The following PLET1 variants were observed in gnomAD, a reference collection of about 807,000 sequenced individuals.
PLET1 encodes the protein placenta-expressed transcript 1 protein.
PLET1 carries 20 observed loss-of-function variants against 18.5 expected under a neutral mutation model. That is an observed-to-expected ratio of 1.08 (90% CI 0.76 to 1.57). The LOEUF (loss-of-function observed/expected upper bound fraction) is 1.57, where lower values mean the gene tolerates loss of function less well. Ranked by LOEUF, PLET1 falls within the 40% of genes most tolerant of loss-of-function variation. The pLI, the probability that PLET1 is intolerant of heterozygous loss-of-function variation, is 0.00. For missense variants in PLET1, 256 were observed against 246.4 expected, an observed-to-expected ratio of 1.04 and a Z score of -0.26; for synonymous variants, 93 against 93.8, an observed-to-expected ratio of 0.99 and a Z score of 0.05.
chr11:112,251,880 T>A (rs1860159841), intron 3 of PLET1, among the ~76,000 whole-genome samples: 1 of 152,228 alleles, frequency 6.6e-6, no homozygotes, highest in Non-Finnish European at 1.5e-5. Flanking sequence ...CTGTAAGAAC[T>A]AAAGACATTG....
At chr11:112,253,821 A>G (rs1302965913) in intron 2 of PLET1, among the ~76,000 whole-genome samples, 1 of 152,216 alleles carries the variant, frequency 6.6e-6, no homozygotes, top group East Asian at 1.9e-4. Context: ...CAGCTTCCAT[A>G]GAGACATGGC....
intron 2 of PLET1, 66 bp downstream of exon 2, chr11:112,255,322 G>A: frequency 6.9e-7 from 1 of 1,456,944 alleles, no homozygotes. Context: ...TCCTAGCTTA[G>A]TGTAAAACTG....
chr11:112,249,849 CAG>C (rs1313870479), intron 3 of PLET1, among the ~76,000 whole-genome samples: 2 of 151,100 alleles, frequency 1.3e-5, no homozygotes, highest in Non-Finnish European at 2.9e-5. Context: ...CCCAGCTACT[CAG>C]GGGGCTGAGG....
rs1262055350 is a variant in PLET1 at position 112,252,421 on chromosome 11, A to G, written c.387-12T>C. 6.5e-7 allele frequency: 1 copy of G among 1,549,750 alleles called. No individual in the cohort carries two copies. The highest frequency in any genetic ancestry group is 1.4e-5 in the African/African-American group (1 of 72,994). On this transcript the variant is annotated splice_polypyrimidine_tract_variant and intron_variant, in intron 2 of 3. Transcript: ENST00000338832. Reference sequence around the variant, plus strand: ...GGACAGTGAAAGCTCTGTGGAGGGCAAATCAATGAGAGATAATGCTGAGGA... The same window carrying G: ...GGACAGTGAAAGCTCTGTGGAGGGCGAATCAATGAGAGATAATGCTGAGGA...
In PLET1 at chr11:112,248,708, C is replaced by G; in HGVS notation, c.*91G>C. ...TGCACATTTGAGAATGTAAAGCCTT[C>G]ATTTACACACATTCGGTTCCCAGCA... On this transcript the variant is annotated 3_prime_UTR_variant, in exon 4 of 4. Transcript: ENST00000338832. 7.2e-7 allele frequency: 1 copy of G among 1,384,696 alleles called. No homozygotes were observed. Among genetic ancestry groups the G allele is most frequent in the Non-Finnish European group, 9.8e-7 (1 of 1,021,162 alleles). The allele number at this position is 1,384,696 out of a possible 1,614,324, so 85.8% of individuals were successfully genotyped here.
intron 1 of PLET1, among the ~76,000 whole-genome samples, chr11:112,259,209 A>G (rs1225223153): frequency 5.3e-5 from 8 of 152,234 alleles, no homozygotes; most frequent in Non-Finnish European, 1.0e-4. Context: ...TCTCACTACT[A>G]TAAGGAAGAG....
rs1311531931 is a variant in PLET1 at position 112,248,934 on chromosome 11, T to TGA, written c.487_488dup (p.Ala164GlnfsTer8). On this transcript the variant is annotated frameshift_variant, in exon 4 of 4. Coordinates refer to ENST00000338832, the MANE Select transcript of PLET1 (RefSeq NM_001145024.1). LOFTEE classifies it low-confidence loss of function (END_TRUNC). Reference sequence around the variant, plus strand: ...TAATCATGAAGAAAGGCTTGAAGGCTGAGCTCTGGGGAATCTTGGCAGCTA... The same window carrying TGA: ...TAATCATGAAGAAAGGCTTGAAGGCTGAGAGCTCTGGGGAATCTTGGCAGCTA... 3.6e-5 allele frequency: 56 copies of TGA among 1,551,090 alleles called. No individual in the cohort carries two copies. Among genetic ancestry groups the TGA allele is most frequent in the Non-Finnish European group, 4.7e-5 (54 of 1,146,984 alleles).
At chr11:112,260,145 G>T (rs1860271781) in intron 1 of PLET1, 2 of 408,968 alleles carry the variant, frequency 4.9e-6, no homozygotes, top group Admixed American at 8.1e-5. Flanking sequence ...TCTACCCCAA[G>T]TGTGCTCTTG....
At chr11:112,257,036 C>G (rs1860231333) in intron 1 of PLET1, among the ~76,000 whole-genome samples, 1 of 152,254 alleles carries the variant, frequency 6.6e-6, no homozygotes, top group African/African-American at 2.4e-5. Flanking sequence ...TCCATCAGAA[C>G]ACACTCCTGT....
chr11:112,254,344 TGTGTGTGGTATTTGTATG>T lies in PLET1; in HGVS notation c.386+1026_386+1043del, dbSNP rs1299886641. Among the ~76,000 whole-genome samples, 3 of 148,262 alleles carry T rather than the reference TGTGTGTGGTATTTGTATG, an allele frequency of 2.0e-5. No homozygotes were observed. In the Admixed American group the frequency reaches 2.0e-4, roughly 10 times the overall value. On this transcript the variant is annotated intron_variant, in intron 2 of 3. Coordinates refer to ENST00000338832, the MANE Select transcript of PLET1 (RefSeq NM_001145024.1). ...TGGTGTGTGGGGGTGGTGTGTGGTGTGTGTGTGGTATTTGTATGGTGTGTGTGGTGTATGTGTGGGGTG... is the reference window on the plus strand; with the variant it reads ...TGGTGTGTGGGGGTGGTGTGTGGTGTGTGTGTGTGGTGTATGTGTGGGGTG...
In PLET1 at chr11:112,260,403, C is replaced by T; in HGVS notation, c.184+3G>A. 1 of 1,550,390 alleles carries T rather than the reference C, an allele frequency of 6.4e-7. No homozygotes were observed. The highest frequency in any genetic ancestry group is 8.7e-7 in the Non-Finnish European group (1 of 1,146,066). ...GACAGCAGAGAGCATGGCTTCTACT[C>T]ACCAGAATAGACTGCATTGCTTTCG... is the stretch of plus-strand genomic sequence containing the variant. On this transcript the variant is annotated splice_donor_region_variant and intron_variant, in intron 1 of 3. Coordinates refer to ENST00000338832, the MANE Select transcript of PLET1 (RefSeq NM_001145024.1).
chr11:112,257,095 T>C (rs1026860800), intron 1 of PLET1, among the ~76,000 whole-genome samples: 2 of 152,234 alleles, frequency 1.3e-5, no homozygotes, highest in Non-Finnish European at 2.9e-5. Flanking sequence ...ACATTTCTGC[T>C]TTTATATTTT....
intron 1 of PLET1, among the ~76,000 whole-genome samples, chr11:112,256,037 C>T (rs1488529024): frequency 6.6e-6 from 1 of 152,098 alleles, no homozygotes; most frequent in Non-Finnish European, 1.5e-5. Flanking sequence ...GGCTGATGCA[C>T]GTGGAAAGGT....
In PLET1 at chr11:112,260,546, A is replaced by G; in HGVS notation, c.44T>C (p.Phe15Ser). Reference sequence around the variant, plus strand: ...AGAAAGCTGCAGACTGAGGCACAGAAACATCCCCAGTGGCTGCAGCAGCAT... The same window carrying G: ...AGAAAGCTGCAGACTGAGGCACAGAGACATCCCCAGTGGCTGCAGCAGCAT... ...HDMLLQPLGMFLCLSLQLSSA... is the reference protein window; with the variant it reads ...HDMLLQPLGMSLCLSLQLSSA... The change falls in exon 1 of 4, where the codon TTT (phenylalanine) becomes TCT (serine). Residue 15 changes from phenylalanine to serine, a missense_variant. By Grantham distance (155) the Phe-to-Ser change is radical. Coordinates refer to ENST00000338832, the MANE Select transcript of PLET1 (RefSeq NM_001145024.1). 1 of 1,551,714 alleles carries G rather than the reference A, an allele frequency of 6.4e-7. No individual in the cohort carries two copies. Among genetic ancestry groups the G allele is most frequent in the Non-Finnish European group, 8.7e-7 (1 of 1,146,980 alleles).
intron 2 of PLET1, 57 bp from the exon 3 acceptor site, chr11:112,252,466 G>C: frequency 6.8e-7 from 1 of 1,466,164 alleles, no homozygotes; most frequent in Non-Finnish European, 9.3e-7. Flanking sequence ...GAATTCACAA[G>C]TTCAGCTCAC....
At position 112,260,579 on chromosome 11, in the gene PLET1, A is replaced by G; in HGVS notation, c.11T>C (p.Phe4Ser). The change falls in exon 1 of 4, where the codon TTC (phenylalanine) becomes TCC (serine). Residue 4 changes from phenylalanine (F) to serine (S), a missense_variant. Transcript: ENST00000338832. MAV[F>S]HDMLLQPLGM... ...CAGTGGCTGCAGCAGCATGTCATGG[A>G]AGACTGCCATGGTCTCAGTCTGTTT... 6.4e-7 allele frequency: 1 copy of G among 1,551,122 alleles called. No individual in the cohort carries two copies. The highest frequency in any genetic ancestry group is 8.7e-7 in the Non-Finnish European group (1 of 1,146,794).
rs538774266 is a variant in PLET1, at chr11:112,260,444, G to A, written c.146C>T (p.Ala49Val). 11 of 1,551,830 alleles carry A rather than the reference G, an allele frequency of 7.1e-6. No individual in the cohort carries two copies. In the East Asian group the frequency reaches 1.7e-4, roughly 24 times the overall value. The change falls in exon 1 of 4, where the codon GCC becomes GTC. Residue 49 changes from alanine (A) to valine (V), a missense_variant. Coordinates refer to ENST00000338832, the MANE Select transcript of PLET1 (RefSeq NM_001145024.1). ...ATTGCTTTCGTAGATATGTGAACTG[G>A]CCTTGATGTCTAGGGTTATGGTGTA... ...EYYTITLDIK[A>V]SSHIYESNAV...
Position 112,251,363 on chromosome 11 carries a change from C to T in PLET1, c.448+985G>A, listed in dbSNP as rs371000755. Among the ~76,000 whole-genome samples the T allele has an allele frequency of 2.2e-4, 34 of 151,948 alleles. No homozygotes were observed. The East Asian group carries it at 3.9e-3, about 17-fold the overall frequency. On this transcript the variant is annotated intron_variant, in intron 3 of 3. Coordinates refer to ENST00000338832, the MANE Select transcript of PLET1 (RefSeq NM_001145024.1). ...CTTTGGGAGGCTGAGGTGGGTGGAT[C>T]GCTTGAGGTCAGGAGTTCAAGACCA...
At chr11:112,250,488 C>T (rs911115445) in intron 3 of PLET1, among the ~76,000 whole-genome samples, 7 of 152,100 alleles carry the variant, frequency 4.6e-5, no homozygotes, top group East Asian at 1.9e-4. Flanking sequence ...ATTATAGTTA[C>T]GCTTTGATGG....
Sources: gnomAD v4.1 joint callset for allele counts (sites outside exome capture counted in the v4.1 genomes callset) on GRCh38, gnomAD v4.1.1 for gene constraint, MANE v1.5 for transcripts, NCBI Gene and HGNC (gene_info 2026-07-23, HGNC 2026-07-21) for gene names.